The following EFR3B variants were observed in gnomAD, a reference collection of about 807,000 sequenced individuals.
The protein encoded by EFR3B is protein EFR3 homolog B.
EFR3B carries 64 observed loss-of-function variants against 104.7 expected under a neutral mutation model. The ratio of observed to expected loss-of-function variants is 0.61; its 90% confidence interval spans 0.50 to 0.75. The LOEUF is 0.75. Ranked by LOEUF, EFR3B falls within the 30% of genes least tolerant of loss-of-function variation. The pLI is 0.00. For synonymous variants in EFR3B, 385 were observed against 417.9 expected, an observed-to-expected ratio of 0.92 and a Z score of 0.96; for missense variants, 750 against 1,078.5, an observed-to-expected ratio of 0.70 and a Z score of 4.27.
intron 1 of EFR3B, among the ~76,000 whole-genome samples, chr2:25,090,552 A>G (rs1160411275): frequency 6.6e-6 from 1 of 152,102 alleles, no homozygotes; most frequent in Non-Finnish European, 1.5e-5. Context: ...TAGATTTTTC[A>G]TTTTGCTACA....
rs1667585937 is a variant in EFR3B at position 25,042,089 on chromosome 2, A to G, written c.-224A>G. Reference sequence around the variant, plus strand: ...CCCCCTGCGCGCAGCAGTGCCCAGCAACCCGAGCGGAGGCGGCCGCTGCAG... The same window carrying G: ...CCCCCTGCGCGCAGCAGTGCCCAGCGACCCGAGCGGAGGCGGCCGCTGCAG... On this transcript the variant is annotated 5_prime_UTR_variant, in exon 1 of 23. Transcript: ENST00000403714. This position sits in a 1 kb window ranked among gnomAD's most constrained non-coding sequence, Gnocchi z 5.4. 9.7e-6 allele frequency: 3 copies of G among 308,688 alleles called. No individual in the cohort carries two copies. Among genetic ancestry groups the G allele is most frequent in the Non-Finnish European group, 1.7e-5 (3 of 172,016 alleles). The allele number at this position is 308,688 out of a possible 1,614,324, so 19.1% of individuals were successfully genotyped here.
intron 1 of EFR3B, chr2:25,079,950 TC>T: frequency 7.7e-7 from 1 of 1,299,078 alleles, no homozygotes; most frequent in Non-Finnish European, 1.1e-6. Context: ...CTTGGCTAAG[TC>T]CGCTGTTTCA....
chr2:25,059,503 G>A (rs192501655), intron 1 of EFR3B, among the ~76,000 whole-genome samples: 7 of 145,186 alleles, frequency 4.8e-5, no homozygotes, highest in African/African-American at 1.8e-4. Context: ...TATGATTCCA[G>A]TAGTATGAGG....
Position 25,137,595 on chromosome 2 carries a change from T to C in EFR3B, c.1722+93T>C. On this transcript the variant is annotated intron_variant, in intron 15 of 22. Coordinates refer to ENST00000403714, the MANE Select transcript of EFR3B (RefSeq NM_014971.2). The surrounding 1 kb of genome is among the most constrained non-coding windows in gnomAD (Gnocchi z 4.7). ...GATAAGAGTATTGACTAGCAACTGCTTAACACTGTTTTGGAGCCCAGGAAT... is the reference window on the plus strand; with the variant it reads ...GATAAGAGTATTGACTAGCAACTGCCTAACACTGTTTTGGAGCCCAGGAAT... 1 of 1,497,920 alleles carries C rather than the reference T, an allele frequency of 6.7e-7. No individual in the cohort carries two copies. Among genetic ancestry groups the C allele is most frequent in the Middle Eastern group, 1.9e-4 (1 of 5,138 alleles). 92.8% of individuals were successfully genotyped at this position (1,497,920 alleles called of 1,614,324 possible). A position where few individuals can be genotyped will look rare whatever the true frequency, so the allele number is the denominator to read the frequency against.
In EFR3B at chr2:25,123,375, A is replaced by G. The variant is rs1045736734; in HGVS notation, c.485+1581A>G. Among the ~76,000 whole-genome samples, 9 of 150,292 alleles carry G rather than the reference A, an allele frequency of 6.0e-5. No homozygotes were observed. In the East Asian group the frequency reaches 1.6e-3, roughly 26 times the overall value. On this transcript the variant is annotated intron_variant, in intron 5 of 22. Coordinates refer to ENST00000403714, the MANE Select transcript of EFR3B (RefSeq NM_014971.2). Reference sequence around the variant, plus strand: ...ACCCTGTCTCAAAAAAAAAAAAAACAATTAATCACAAAGAAATTAAAATGA... The same window carrying G: ...ACCCTGTCTCAAAAAAAAAAAAAACGATTAATCACAAAGAAATTAAAATGA...
chr2:25,069,784 C>T (rs1668442564), intron 1 of EFR3B, among the ~76,000 whole-genome samples: 1 of 152,200 alleles, frequency 6.6e-6, no homozygotes. Context: ...GCAACCTCTG[C>T]CTCCCGGGTT....
chr2:25,064,058 T>C lies in EFR3B; in HGVS notation c.7+21739T>C, dbSNP rs1374877880. Reference sequence around the variant, plus strand: ...TTAGTAGGGCTCAACCTAGTACTTGTTTTGCATTTTTGCAGAATTCTGGTG... The same window carrying C: ...TTAGTAGGGCTCAACCTAGTACTTGCTTTGCATTTTTGCAGAATTCTGGTG... On this transcript the variant is annotated intron_variant, in intron 1 of 22. Transcript: ENST00000403714. 9.8e-5 allele frequency among the ~76,000 whole-genome samples: 15 copies of C among 152,314 alleles called. No homozygotes were observed. In the East Asian group the frequency reaches 2.3e-3, roughly 24 times the overall value.
At chr2:25,127,239 A>T (rs1317637853) in intron 5 of EFR3B, among the ~76,000 whole-genome samples, 2 of 151,808 alleles carry the variant, frequency 1.3e-5, no homozygotes, top group East Asian at 3.9e-4. Context: ...GAAACAACTT[A>T]AATGACTAAT....
chr2:25,139,015 T>C, intron 15 of EFR3B, 44 bp from the exon 16 acceptor site: 1 of 1,550,840 alleles, frequency 6.4e-7, no homozygotes, highest in Non-Finnish European at 8.7e-7. Context: ...CCCAGTGTAG[T>C]CTGTCAGTGA....
chr2:25,082,217 CT>C (rs1330113882), intron 1 of EFR3B, among the ~76,000 whole-genome samples: 1 of 152,258 alleles, frequency 6.6e-6, no homozygotes, highest in Non-Finnish European at 1.5e-5. Context: ...TTAAACACCT[CT>C]GGGCCCTCTT....
chr2:25,106,998 C>A (rs890745275), intron 4 of EFR3B, among the ~76,000 whole-genome samples: 5 of 152,214 alleles, frequency 3.3e-5, no homozygotes, highest in Non-Finnish European at 7.3e-5. Flanking sequence ...ATGAATCAAG[C>A]TCATTGTAAC....
At chr2:25,119,514 C>G (rs189763418) in intron 4 of EFR3B, among the ~76,000 whole-genome samples, 1 of 152,238 alleles carries the variant, frequency 6.6e-6, no homozygotes, top group South Asian at 2.1e-4. Flanking sequence ...CCGACTTCAG[C>G]CTTCTTTCTG....
At chr2:25,087,759 C>T (rs1573192899) in intron 1 of EFR3B, among the ~76,000 whole-genome samples, 1 of 152,224 alleles carries the variant, frequency 6.6e-6, no homozygotes, top group East Asian at 1.9e-4. Context: ...AGGCTTGAGC[C>T]ACCGTGCCCA....
In EFR3B at chr2:25,128,168, C is replaced by T. The variant is rs1197842428; in HGVS notation, c.486-15C>T. 2 of 1,551,582 alleles carry T rather than the reference C, an allele frequency of 1.3e-6. No individual in the cohort carries two copies. Among genetic ancestry groups the T allele is most frequent in the Middle Eastern group, 1.7e-4 (1 of 5,982 alleles). ...TAGAGGACTTCCGAGTCCCACTTCA[C>T]CCTTTTCCTTACAGAATTCGAATGT... On this transcript the variant is annotated splice_polypyrimidine_tract_variant and intron_variant, in intron 5 of 22. Transcript: ENST00000403714.
rs1670528022 is a variant in EFR3B at position 25,136,779 on chromosome 2, G to A, written c.1560+181G>A. ...AAAGCTACAAAAATTAACCGGGCAT[G>A]GTGGTGGGCACCTGCAATCCCAGCT... is the stretch of plus-strand genomic sequence containing the variant. On this transcript the variant is annotated intron_variant, in intron 14 of 22. Transcript: ENST00000403714. This position sits in a 1 kb window ranked among gnomAD's most constrained non-coding sequence, Gnocchi z 4.0. Among the ~76,000 whole-genome samples, 1 of 152,218 alleles carries A rather than the reference G, an allele frequency of 6.6e-6. No individual in the cohort carries two copies. The highest frequency in any genetic ancestry group is 6.5e-5 in the Admixed American group (1 of 15,284).
intron 16 of EFR3B, among the ~76,000 whole-genome samples, chr2:25,140,506 C>T (rs1483770701): frequency 3.3e-5 from 5 of 152,112 alleles, no homozygotes; most frequent in African/African-American, 7.2e-5. Context: ...CAGACATCCT[C>T]TGCCTGACAA....
intron 5 of EFR3B, among the ~76,000 whole-genome samples, chr2:25,124,251 G>A (rs1429888203): frequency 6.7e-6 from 1 of 149,742 alleles, no homozygotes; most frequent in African/African-American, 2.5e-5. Context: ...AACACCCTTG[G>A]GTCCAGCAGT....
intron 1 of EFR3B, chr2:25,080,668 A>C: frequency 1.5e-6 from 1 of 671,132 alleles, no homozygotes; most frequent in Non-Finnish European, 2.6e-6. Flanking sequence ...ATTTCCTTTC[A>C]GGCCAATGTA....
chr2:25,063,060 A>T (rs1668241290), intron 1 of EFR3B, among the ~76,000 whole-genome samples: 2 of 151,574 alleles, frequency 1.3e-5, no homozygotes, highest in Non-Finnish European at 2.9e-5. Flanking sequence ...AGTAGTTGGG[A>T]TTATAGGTGC....
Sources: gnomAD v4.1 joint callset for allele counts (sites outside exome capture counted in the v4.1 genomes callset) on GRCh38, gnomAD v4.1.1 for gene constraint, Gnocchi (gnomAD v3.1) non-coding constraint, MANE v1.5 for transcripts, NCBI Gene and HGNC (gene_info 2026-07-23, HGNC 2026-07-21) for gene names.